The following HUNK variants were observed in gnomAD, a reference collection of about 807,000 sequenced individuals.
The protein encoded by HUNK is hormonally up-regulated neu tumor-associated kinase.
Under a neutral mutation model 61.0 loss-of-function variants are expected in HUNK, and 21 were observed. The observed-to-expected ratio is 0.34, with a 90% CI of 0.24 to 0.50. The LOEUF (loss-of-function observed/expected upper bound fraction) is 0.50, where lower values mean the gene tolerates loss of function less well. Among genes scored for constraint, HUNK ranks in the 20% least tolerant of loss-of-function variants. The probability of loss-of-function intolerance (pLI) is 0.98; values close to 1 mark genes in which losing one functional copy is unlikely to be tolerated. For missense variants in HUNK, 772 were observed against 945.7 expected (o/e 0.82, Z 2.41); for synonymous variants, 371 against 386.1 (o/e 0.96, Z 0.46).
At chr21:31,989,754 A>G (rs1421761258) in intron 8 of HUNK, among the ~76,000 whole-genome samples, 1 of 149,786 alleles carries the variant, frequency 6.7e-6, no homozygotes, top group Non-Finnish European at 1.5e-5. Context: ...TTTGGGGGAC[A>G]GAATGCCTGG....
intron 2 of HUNK, among the ~76,000 whole-genome samples, chr21:31,931,682 G>A (rs1027770487): frequency 6.6e-6 from 1 of 152,094 alleles, no homozygotes; most frequent in Non-Finnish European, 1.5e-5. Context: ...GTGTTCACTG[G>A]TTCTGCCACG....
At chr21:31,918,728 A>G (rs1444494236) in intron 1 of HUNK, among the ~76,000 whole-genome samples, 2 of 152,146 alleles carry the variant, frequency 1.3e-5, no homozygotes, top group African/African-American at 2.4e-5. Flanking sequence ...TTTTGATGGC[A>G]TTTAGGACTC....
intron 7 of HUNK, among the ~76,000 whole-genome samples, chr21:31,979,222 A>G (rs9981598): frequency 0.12 from 17,548 of 150,996 alleles, 1,407 homozygotes; most frequent in Non-Finnish European, 0.18. Context: ...GGATTCAAGC[A>G]ATTCTCCTGC....
chr21:31,975,684 T>C (rs111945713), intron 7 of HUNK, among the ~76,000 whole-genome samples: 350 of 152,310 alleles, frequency 2.3e-3, no homozygotes, highest in Non-Finnish European at 4.3e-3. Flanking sequence ...AGTCACGTGA[T>C]AGCCCAATAT....
chr21:31,952,603 T>C (rs1438784155), intron 4 of HUNK, among the ~76,000 whole-genome samples: 1 of 77,484 alleles, frequency 1.3e-5, no homozygotes, highest in Non-Finnish European at 3.3e-5. Context: ...CTCCAGGGAG[T>C]ATTTTTTTTT....
chr21:31,968,109 C>A, intron 5 of HUNK, 141 bp from the exon 6 acceptor site: 2 of 977,958 alleles, frequency 2.0e-6, no homozygotes, highest in Non-Finnish European at 3.1e-6. Flanking sequence ...CGGAACCCTG[C>A]CCAGAGACCT....
intron 8 of HUNK, among the ~76,000 whole-genome samples, chr21:31,985,963 G>A (rs1269255521): frequency 6.6e-6 from 1 of 152,120 alleles, no homozygotes; most frequent in East Asian, 1.9e-4. Context: ...AAGACAGGCT[G>A]TGGGGCTCGG....
chr21:31,952,058 A>G (rs1162118924), intron 4 of HUNK, among the ~76,000 whole-genome samples: 1 of 152,094 alleles, frequency 6.6e-6, no homozygotes, highest in Non-Finnish European at 1.5e-5. Flanking sequence ...TATATTTAAC[A>G]TAGAGTAAAG....
intron 1 of HUNK, among the ~76,000 whole-genome samples, chr21:31,892,180 T>TAGAG (rs66753649): frequency 0.017 from 1,873 of 109,608 alleles, 20 homozygotes; most frequent in Non-Finnish European, 0.019. Flanking sequence ...TATATATATA[T>TAGAG]AGAGAGAGAG....
intron 2 of HUNK, among the ~76,000 whole-genome samples, chr21:31,931,947 G>A (rs1315572123): frequency 2.0e-5 from 3 of 152,120 alleles, no homozygotes; most frequent in Non-Finnish European, 2.9e-5. Context: ...CGCGCCCACC[G>A]CCATATACAC....
chr21:31,989,246 G>A (rs1283018249), intron 8 of HUNK, among the ~76,000 whole-genome samples: 2 of 152,150 alleles, frequency 1.3e-5, no homozygotes, highest in Non-Finnish European at 2.9e-5. Context: ...CTGAGGTCCT[G>A]GGGTTAGACT....
chr21:31,888,982 C>CA (rs1253771226), intron 1 of HUNK, among the ~76,000 whole-genome samples: 1 of 152,120 alleles, frequency 6.6e-6, no homozygotes, highest in Non-Finnish European at 1.5e-5. Context: ...CTCTGGTTCG[C>CA]ATCAGTCTAA....
Position 32,000,846 on chromosome 21 carries a change from C to A in HUNK, c.*1662C>A, listed in dbSNP as rs137885488. On this transcript the variant is annotated 3_prime_UTR_variant, in exon 11 of 11. Transcript: ENST00000270112. ...GGATATTTGGCTGACCTTGGTGAGACCTGGAGCTGCCTGTTTCTTCCCTAG... is the reference window on the plus strand; with the variant it reads ...GGATATTTGGCTGACCTTGGTGAGAACTGGAGCTGCCTGTTTCTTCCCTAG... 78 of 397,978 alleles carry A rather than the reference C, an allele frequency of 2.0e-4. 2 individuals carry two copies. In the East Asian group the frequency reaches 2.6e-3, roughly 13 times the overall value. The allele number at this position is 397,978 out of a possible 1,614,324, so 24.7% of individuals were successfully genotyped here. A position where few individuals can be genotyped will look rare whatever the true frequency, so the allele number is the denominator to read the frequency against.
chr21:31,936,280 A>T (rs542183145), intron 2 of HUNK, among the ~76,000 whole-genome samples: 19 of 152,362 alleles, frequency 1.2e-4, no homozygotes, highest in African/African-American at 3.8e-4. Context: ...AAGCTATTTT[A>T]AAAAATGAGA....
At chr21:31,894,068 C>T (rs1015602374) in intron 1 of HUNK, among the ~76,000 whole-genome samples, 5 of 152,174 alleles carry the variant, frequency 3.3e-5, no homozygotes, top group Non-Finnish European at 7.3e-5. Context: ...CTTTTGGCTG[C>T]CAGTTGTCCT....
chr21:31,892,275 GA>G (rs34123262), intron 1 of HUNK, among the ~76,000 whole-genome samples: 148,620 of 148,622 alleles, frequency 1, 74,309 homozygotes, highest in Middle Eastern at 1. Context: ...TGTTAGTCAA[GA>G]AAAAAGTGGC....
chr21:31,965,594 C>CTT (rs71193162), intron 5 of HUNK, among the ~76,000 whole-genome samples: 10,010 of 127,382 alleles, frequency 0.079, 412 homozygotes, highest in South Asian at 0.12. Context: ...CTTTGTTTTT[C>CTT]TTTTTTTTTT....
intron 5 of HUNK, among the ~76,000 whole-genome samples, chr21:31,962,676 G>A (rs1365692274): frequency 1.3e-5 from 2 of 152,176 alleles, no homozygotes; most frequent in African/African-American, 2.4e-5. Context: ...AGCATGAATT[G>A]CATTTCTATA....
At chr21:31,944,834 T>C (rs1224613461) in intron 3 of HUNK, among the ~76,000 whole-genome samples, 1 of 152,190 alleles carries the variant, frequency 6.6e-6, no homozygotes, top group East Asian at 1.9e-4. Context: ...AGATTCTTTT[T>C]AGAAAAGCTT....
Sources: gnomAD v4.1 joint callset for allele counts (sites outside exome capture counted in the v4.1 genomes callset) on GRCh38, gnomAD v4.1.1 for gene constraint, MANE v1.5 for transcripts, NCBI Gene and HGNC (gene_info 2026-07-23, HGNC 2026-07-21) for gene names.